Variants in SBF2 observed in about 807,000 individuals in gnomAD.
SBF2 encodes SET binding factor 2.
SBF2 carries 112 observed loss-of-function variants against 225.2 expected under a neutral mutation model. The ratio of observed to expected loss-of-function variants is 0.50; its 90% CI spans 0.43 to 0.58. The LOEUF (loss-of-function observed/expected upper bound fraction) is 0.58, where lower values mean the gene tolerates loss of function less well. Among genes scored for constraint, SBF2 ranks in the 20% least tolerant of loss-of-function variants. SBF2 has a pLI of 0.00. For missense variants in SBF2, 1,996 were observed against 2,206.2 expected (o/e 0.90, Z 1.91); for synonymous variants, 763 against 773.3 (o/e 0.99, Z 0.22).
intron 2 of SBF2, among the ~76,000 whole-genome samples, chr11:10,071,976 G>A (rs146435122): frequency 6.6e-6 from 1 of 152,140 alleles, no homozygotes; most frequent in South Asian, 2.1e-4. Context: ...CCAACCCAAT[G>A]ATGTGGGGCA....
intron 37 of SBF2, 52 bp downstream of exon 37, chr11:9,785,073 T>G: frequency 1.3e-6 from 2 of 1,511,596 alleles, no homozygotes; most frequent in Non-Finnish European, 1.8e-6. Flanking sequence ...TGGTTTAGCC[T>G]CAGGTGCTGT....
At chr11:10,214,962 A>C (rs1469055228) in intron 1 of SBF2, among the ~76,000 whole-genome samples, 4 of 152,190 alleles carry the variant, frequency 2.6e-5, no homozygotes, top group African/African-American at 9.7e-5. Flanking sequence ...CTGAGCTCCT[A>C]GAAACAACTC....
chr11:9,908,407 C>G (rs1034146316), intron 16 of SBF2, among the ~76,000 whole-genome samples: 1 of 151,510 alleles, frequency 6.6e-6, no homozygotes, highest in Admixed American at 6.6e-5. Context: ...GGGTAGATCA[C>G]GAGGTCAGGA....
At chr11:10,245,321 A>C (rs1349386075) in intron 1 of SBF2, among the ~76,000 whole-genome samples, 1 of 145,856 alleles carries the variant, frequency 6.9e-6, no homozygotes, top group Non-Finnish European at 1.5e-5. Flanking sequence ...AGTCAGGAGA[A>C]TGCTGCTTGA....
intron 16 of SBF2, among the ~76,000 whole-genome samples, chr11:9,928,010 T>TA (rs1470005971): frequency 1.9e-5 from 1 of 53,996 alleles, no homozygotes; most frequent in Non-Finnish European, 4.0e-5. Flanking sequence ...TTAGCATTTT[T>TA]AAAGAAAATG....
intron 1 of SBF2, among the ~76,000 whole-genome samples, chr11:10,246,835 G>A (rs1959845208): frequency 6.6e-6 from 1 of 152,164 alleles, no homozygotes; most frequent in Non-Finnish European, 1.5e-5. Flanking sequence ...ACCACTTTGG[G>A]AGGTCGAAGC....
chr11:10,232,916 A>G (rs1958915073), intron 1 of SBF2, among the ~76,000 whole-genome samples: 1 of 152,226 alleles, frequency 6.6e-6, no homozygotes, highest in African/African-American at 2.4e-5. Flanking sequence ...AGAAGTTGTT[A>G]TCTCTGATAG....
chr11:10,066,844 C>G (rs1447776442), intron 2 of SBF2, among the ~76,000 whole-genome samples: 1 of 152,128 alleles, frequency 6.6e-6, no homozygotes, highest in African/African-American at 2.4e-5. Flanking sequence ...AGAGTGGACT[C>G]TACAAAGAGT....
At chr11:9,819,885 T>C (rs1391832316) in intron 28 of SBF2, among the ~76,000 whole-genome samples, 1 of 152,236 alleles carries the variant, frequency 6.6e-6, no homozygotes, top group Non-Finnish European at 1.5e-5. Flanking sequence ...GGAAATTATA[T>C]TTATTTTCCA....
intron 26 of SBF2, 101 bp from the exon 27 acceptor site, chr11:9,832,521 A>C (rs2133937579): frequency 1.3e-6 from 1 of 799,982 alleles, no homozygotes; most frequent in South Asian, 1.4e-5. Flanking sequence ...AGAATATAAG[A>C]AATTGAATAC....
chr11:10,007,158 G>A (rs150337098), intron 6 of SBF2, among the ~76,000 whole-genome samples: 103 of 152,284 alleles, frequency 6.8e-4, no homozygotes, highest in East Asian at 2.3e-3. Flanking sequence ...TGAAAAGGGC[G>A]TACCGAAGTT....
chr11:9,787,371 T>G (rs953937931), intron 36 of SBF2, among the ~76,000 whole-genome samples: 1 of 152,152 alleles, frequency 6.6e-6, no homozygotes, highest in Non-Finnish European at 1.5e-5. Context: ...GGCACTGAGA[T>G]AGAAAAGAAC....
rs2133974455 is a variant in SBF2 at position 9,847,231 on chromosome 11, C to A, written c.2807-148G>T. 5.3e-6 allele frequency: 5 copies of A among 936,218 alleles called. No individual in the cohort carries two copies. The South Asian group carries it at 7.4e-5, about 14-fold the overall frequency. 58.0% of individuals were successfully genotyped at this position (936,218 alleles called of 1,614,324 possible). A position where few individuals can be genotyped will look rare whatever the true frequency, so the allele number is the denominator to read the frequency against. Reference sequence around the variant, plus strand: ...GCAGTGAAAGAAAGTGCCCTTCACTCCAGAAAAGGATTATGTCTCAGGAGT... The same window carrying A: ...GCAGTGAAAGAAAGTGCCCTTCACTACAGAAAAGGATTATGTCTCAGGAGT... On this transcript the variant is annotated intron_variant, in intron 22 of 39. Coordinates refer to ENST00000256190, the MANE Select transcript of SBF2 (RefSeq NM_030962.4).
At chr11:9,990,822 G>C (rs1947402170) in intron 12 of SBF2, among the ~76,000 whole-genome samples, 1 of 152,168 alleles carries the variant, frequency 6.6e-6, no homozygotes, top group South Asian at 2.1e-4. Flanking sequence ...GTGGCTCTCA[G>C]AGTCAACGAC....
intron 17 of SBF2, among the ~76,000 whole-genome samples, chr11:9,895,171 T>C (rs548412400): frequency 4.6e-5 from 7 of 152,176 alleles, no homozygotes; most frequent in Non-Finnish European, 7.4e-5. Flanking sequence ...CTATGTATGA[T>C]TAATCTGCTA....
rs1166081188 is a variant in SBF2 at position 9,974,960 on chromosome 11, C to CAAAAAAAAAAAAAAAAAAAAAA, written c.1396-6437_1396-6416dup. Among the ~76,000 whole-genome samples, 23 of 23,268 alleles carry CAAAAAAAAAAAAAAAAAAAAAA rather than the reference C, an allele frequency of 9.9e-4. 8 individuals carry two copies. The highest frequency in any genetic ancestry group is 1.3e-3 in the Non-Finnish European group (15 of 11,168). 15.3% of individuals were successfully genotyped at this position (23,268 alleles called of 152,430 possible). A position where few individuals can be genotyped will look rare whatever the true frequency, so the allele number is the denominator to read the frequency against. On this transcript the variant is annotated intron_variant, in intron 13 of 39. Coordinates refer to ENST00000256190, the MANE Select transcript of SBF2 (RefSeq NM_030962.4). Reference sequence around the variant, plus strand: ...GGGCAACAACAGCGAAACTTTGACTCAAAAAAAAAAAAAAAAAAAAAAAAA... The same window carrying CAAAAAAAAAAAAAAAAAAAAAA: ...GGGCAACAACAGCGAAACTTTGACTCAAAAAAAAAAAAAAAAAAAAAAAAAAAAAAAAAAAAAAAAAAAAAAA...
chr11:10,188,017 AATT>A (rs1222629993), intron 2 of SBF2, among the ~76,000 whole-genome samples: 1 of 152,200 alleles, frequency 6.6e-6, no homozygotes, highest in African/African-American at 2.4e-5. Flanking sequence ...CCTGTAGGAA[AATT>A]ATTATTATCA....
intron 8 of SBF2, among the ~76,000 whole-genome samples, chr11:9,999,689 G>C (rs1195122327): frequency 1.3e-5 from 2 of 152,094 alleles, no homozygotes; most frequent in Non-Finnish European, 2.9e-5. Flanking sequence ...CTTCTAACTA[G>C]TATTAATTAG....
intron 16 of SBF2, among the ~76,000 whole-genome samples, chr11:9,914,680 T>C (rs1180294992): frequency 6.6e-6 from 1 of 152,054 alleles, no homozygotes; most frequent in African/African-American, 2.4e-5. Flanking sequence ...AAGAAATAAC[T>C]GATAAGTGAG....
Sources: gnomAD v4.1 joint callset for allele counts (sites outside exome capture counted in the v4.1 genomes callset) on GRCh38, gnomAD v4.1.1 for gene constraint, MANE v1.5 for transcripts, NCBI Gene and HGNC (gene_info 2026-07-23, HGNC 2026-07-21) for gene names.